NWD1: variants seen among roughly 807,000 people sequenced by gnomAD.
NWD1 encodes NACHT domain- and WD repeat-containing protein 1.
A neutral mutation model predicts 135.1 loss-of-function variants in NWD1; 129 were observed. The observed-to-expected ratio is 0.96, with a 90% CI of 0.83 to 1.11. NWD1 has a LOEUF of 1.11. Among genes scored for constraint, NWD1 ranks in the 50% least tolerant of loss-of-function variants. The pLI is 0.00. For synonymous variants in NWD1, 773 were observed against 786.0 expected (o/e 0.98, Z 0.28); for missense variants, 1,740 against 1,851.3 (o/e 0.94, Z 1.10).
chr19:16,740,374 C>T (rs1968029675), intron 4 of NWD1, among the ~76,000 whole-genome samples: 2 of 151,988 alleles, frequency 1.3e-5, no homozygotes, highest in Admixed American at 6.6e-5. Context: ...CTCACTCTGT[C>T]ACCCAGGCTG....
chr19:16,782,724 A>G (rs1482301376), intron 12 of NWD1, among the ~76,000 whole-genome samples: 1 of 151,736 alleles, frequency 6.6e-6, no homozygotes, highest in Non-Finnish European at 1.5e-5. Flanking sequence ...AGCTGGATGC[A>G]GTGGTGTGTG....
chr19:16,775,588 A>G (rs1969571636), intron 11 of NWD1, among the ~76,000 whole-genome samples: 1 of 152,184 alleles, frequency 6.6e-6, no homozygotes, highest in South Asian at 2.1e-4. Flanking sequence ...AGAACTAAAT[A>G]TTTCCACTCC....
At chr19:16,747,381 AT>A (rs1968368960) in intron 5 of NWD1, among the ~76,000 whole-genome samples, 1 of 128,350 alleles carries the variant, frequency 7.8e-6, no homozygotes, top group Non-Finnish European at 1.6e-5. Flanking sequence ...TTATTTATTT[AT>A]TTAATTTTTT....
chr19:16,808,595 C>A (rs2144518340), intron 18 of NWD1, among the ~76,000 whole-genome samples: 1 of 151,780 alleles, frequency 6.6e-6, no homozygotes. Flanking sequence ...GTCTCAGAAG[C>A]AAAGTTTTTT....
At chr19:16,722,413 C>T (rs1291153409) in intron 1 of NWD1, among the ~76,000 whole-genome samples, 1 of 151,840 alleles carries the variant, frequency 6.6e-6, no homozygotes, top group East Asian at 2.0e-4. Context: ...CTCAGCCTCC[C>T]TGAGTAGCTG....
intron 2 of NWD1, among the ~76,000 whole-genome samples, chr19:16,730,911 C>CT (rs11445714): frequency 0.56 from 69,129 of 122,806 alleles, 20,598 homozygotes; most frequent in Middle Eastern, 0.65. Context: ...TTCTTTCTTT[C>CT]TTTTTTTTTT....
rs1309420156 is a variant in NWD1 at position 16,816,206 on chromosome 19, C to A, written c.*1167C>A. 2 of 152,174 alleles carry A rather than the reference C, an allele frequency of 1.3e-5. No individual in the cohort carries two copies. The highest frequency in any genetic ancestry group is 1.5e-5 in the Non-Finnish European group (1 of 68,038). 9.4% of individuals were successfully genotyped at this position (152,174 alleles called of 1,614,324 possible). On this transcript the variant is annotated 3_prime_UTR_variant, in exon 19 of 19. Transcript: ENST00000524140. ...TTGTGTCTAGGGTGGGTATGAGCAGCCTGACTGTAGCCCAGAATCACCATG... is the reference window on the plus strand; with the variant it reads ...TTGTGTCTAGGGTGGGTATGAGCAGACTGACTGTAGCCCAGAATCACCATG...
At chr19:16,745,612 T>C (rs987199261) in intron 5 of NWD1, among the ~76,000 whole-genome samples, 3 of 151,130 alleles carry the variant, frequency 2.0e-5, no homozygotes, top group Admixed American at 6.6e-5. Context: ...TGGTAGTGCA[T>C]GCCTGTAGTC....
At chr19:16,721,598 A>T (rs1221649898) in intron 1 of NWD1, 7 of 145,796 alleles carry the variant, frequency 4.8e-5, no homozygotes, top group Admixed American at 3.5e-4. Context: ...AGCAGGCTGC[A>T]GCTAAACTGT....
intron 2 of NWD1, among the ~76,000 whole-genome samples, chr19:16,726,877 G>A (rs1183647948): frequency 1.3e-5 from 2 of 152,174 alleles, no homozygotes; most frequent in South Asian, 2.1e-4. Context: ...TCCTCCAGTC[G>A]TGGCAACTGG....
chr19:16,803,755 T>TA (rs756016333), intron 17 of NWD1, among the ~76,000 whole-genome samples: 2,399 of 128,438 alleles, frequency 0.019, 57 homozygotes, highest in African/African-American at 0.057. Flanking sequence ...CAACTCTACT[T>TA]AAAAAAAAAA....
At chr19:16,804,886 A>G (rs1169859493) in intron 17 of NWD1, among the ~76,000 whole-genome samples, 2 of 151,962 alleles carry the variant, frequency 1.3e-5, no homozygotes, top group East Asian at 3.9e-4. Flanking sequence ...GTGAAGAGGT[A>G]CAATGACGGC....
chr19:16,743,000 C>T (rs1342244148), intron 4 of NWD1, among the ~76,000 whole-genome samples: 1 of 150,634 alleles, frequency 6.6e-6, no homozygotes, highest in Non-Finnish European at 1.5e-5. Context: ...GCAACCTTCG[C>T]CTCCCGGCTT....
chr19:16,782,175 AT>A (rs1222984024), intron 12 of NWD1, among the ~76,000 whole-genome samples: 1 of 151,526 alleles, frequency 6.6e-6, no homozygotes, highest in Non-Finnish European at 1.5e-5. Flanking sequence ...ATTTTATTTA[AT>A]TAATAAAACA....
At chr19:16,729,577 TAAAA>T (rs537329853) in intron 2 of NWD1, among the ~76,000 whole-genome samples, 1 of 125,050 alleles carries the variant, frequency 8.0e-6, no homozygotes, top group African/African-American at 3.0e-5. Flanking sequence ...TTACAAAAAG[TAAAA>T]AAAAAAAAAA....
chr19:16,769,404 G>C (rs1035172351), intron 10 of NWD1, among the ~76,000 whole-genome samples: 2 of 151,882 alleles, frequency 1.3e-5, no homozygotes, highest in African/African-American at 2.4e-5. Context: ...AGAGGTTGCA[G>C]TGAGCCGGGA....
intron 2 of NWD1, among the ~76,000 whole-genome samples, chr19:16,727,016 G>A (rs532940168): frequency 2.6e-5 from 4 of 152,118 alleles, no homozygotes; most frequent in African/African-American, 9.6e-5. Context: ...GGTGGGAAGG[G>A]CAGAATGGGG....
intron 7 of NWD1, among the ~76,000 whole-genome samples, chr19:16,761,516 C>A (rs573806035): frequency 7.3e-4 from 111 of 151,762 alleles, no homozygotes; most frequent in Admixed American, 8.5e-4. Context: ...ACCACCACGC[C>A]CAGCTAATTT....
chr19:16,746,976 T>C (rs1389571075), intron 5 of NWD1, among the ~76,000 whole-genome samples: 1 of 151,848 alleles, frequency 6.6e-6, no homozygotes, highest in Non-Finnish European at 1.5e-5. Context: ...TGTTCTTCAA[T>C]GGCCAACACT....
Sources: allele counts gnomAD v4.1 joint callset (sites outside exome capture counted in the v4.1 genomes callset), GRCh38; gene constraint gnomAD v4.1.1; transcripts MANE v1.5; gene names NCBI Gene and HGNC (gene_info 2026-07-23, HGNC 2026-07-21).